Variants in NFATC2 observed in about 807,000 individuals in gnomAD.
The protein encoded by NFATC2 is nuclear factor of activated T-cells, cytoplasmic 2.
In NFATC2, 22 loss-of-function variants were observed where a neutral mutation model predicts 87.3. That is an observed-to-expected ratio of 0.25 (90% CI 0.18 to 0.36). NFATC2 has a LOEUF of 0.36. NFATC2 is among the 10% of genes least tolerant of loss of function. NFATC2 has a pLI of 1.00. For missense variants in NFATC2, 1,149 were observed against 1,259.1 expected, an observed-to-expected ratio of 0.91 and a Z score of 1.32; for synonymous variants, 565 against 542.2, an observed-to-expected ratio of 1.04 and a Z score of -0.58.
intron 2 of NFATC2, among the ~76,000 whole-genome samples, chr20:51,521,902 T>G (rs1479710811): frequency 4.6e-5 from 7 of 152,146 alleles, no homozygotes; most frequent in Non-Finnish European, 7.4e-5. Context: ...TTCTGTGTCC[T>G]CAGATTGAAA....
intron 3 of NFATC2, among the ~76,000 whole-genome samples, chr20:51,499,033 G>GGAGT (rs1313291876): frequency 6.6e-6 from 1 of 152,104 alleles, no homozygotes; most frequent in Non-Finnish European, 1.5e-5. Context: ...ATGGAGTGAG[G>GGAGT]GAGTGAGTGA....
At chr20:51,549,384 T>C (rs1038379824) in intron 1 of NFATC2, among the ~76,000 whole-genome samples, 20 of 152,244 alleles carry the variant, frequency 1.3e-4, no homozygotes, top group Non-Finnish European at 2.8e-4. Context: ...GCGATTCTCC[T>C]GCCTCAGCCT....
intron 3 of NFATC2, among the ~76,000 whole-genome samples, chr20:51,509,413 T>C (rs1450603458): frequency 6.6e-6 from 1 of 152,194 alleles, no homozygotes; most frequent in Non-Finnish European, 1.5e-5. Context: ...GCTTGGTAAG[T>C]ATTTTTAATA....
chr20:51,436,360 A>AT (rs1399560904), intron 6 of NFATC2, among the ~76,000 whole-genome samples: 1 of 150,224 alleles, frequency 6.7e-6, no homozygotes, highest in African/African-American at 2.4e-5. Context: ...TCCTCCCATC[A>AT]TTTTTTCCCT....
chr20:51,538,216 TAAGAA>T (rs1211529808), intron 1 of NFATC2, among the ~76,000 whole-genome samples: 3 of 152,180 alleles, frequency 2.0e-5, no homozygotes, highest in African/African-American at 7.2e-5. Context: ...ACAACCACCT[TAAGAA>T]AATAATACAC....
chr20:51,418,211 T>C (rs36000730), intron 9 of NFATC2, among the ~76,000 whole-genome samples: 21,783 of 152,192 alleles, frequency 0.14, 2,032 homozygotes, highest in African/African-American at 0.24. Flanking sequence ...GAGTGGACAC[T>C]CCTTCCCCGA....
Position 51,393,528 on chromosome 20 carries a change from C to T in NFATC2, c.*45-2077G>A, listed in dbSNP as rs548828191. Reference sequence around the variant, plus strand: ...CAAATTCATATATTTAGCTAACCAGCACTAGTTGGGCATCTACTGTGTACT... The same window carrying T: ...CAAATTCATATATTTAGCTAACCAGTACTAGTTGGGCATCTACTGTGTACT... On this transcript the variant is annotated intron_variant, in intron 10 of 10. Coordinates refer to ENST00000371564, the MANE Select transcript of NFATC2 (RefSeq NM_012340.5). Among the ~76,000 whole-genome samples the T allele has an allele frequency of 6.6e-5, 10 of 152,256 alleles. No individual in the cohort carries two copies. The South Asian group carries it at 2.1e-3, about 32-fold the overall frequency.
At chr20:51,406,334 G>A (rs74482361) in intron 9 of NFATC2, among the ~76,000 whole-genome samples, 1,532 of 152,144 alleles carry the variant, frequency 0.01, 29 homozygotes, top group African/African-American at 0.035. Flanking sequence ...TTTTATCAGG[G>A]TTGGGCAGTA....
At chr20:51,455,635 G>A (rs1314453424) in intron 5 of NFATC2, among the ~76,000 whole-genome samples, 2 of 136,902 alleles carry the variant, frequency 1.5e-5, no homozygotes, top group Non-Finnish European at 3.1e-5. Flanking sequence ...CCAGGAAGGA[G>A]GGGCTTCGCT....
At chr20:51,424,802 G>A (rs1981516337) in intron 9 of NFATC2, among the ~76,000 whole-genome samples, 2 of 151,772 alleles carry the variant, frequency 1.3e-5, no homozygotes, top group South Asian at 2.1e-4. Flanking sequence ...TTGTAGAAAA[G>A]GGGAAAATAA....
chr20:51,547,118 G>A (rs943335272), upstream of NFATC2, among the ~76,000 whole-genome samples: 8 of 152,134 alleles, frequency 5.3e-5, no homozygotes, highest in African/African-American at 1.4e-4. Flanking sequence ...AATCATAGAC[G>A]AGTTTTTAGA....
chr20:51,552,752 G>A (rs1042784226), intron 1 of NFATC2, among the ~76,000 whole-genome samples: 3 of 152,140 alleles, frequency 2.0e-5, no homozygotes, highest in Non-Finnish European at 4.4e-5. Flanking sequence ...CCATCCTGCA[G>A]GCATATTATG....
At chr20:51,398,104 A>G (rs968911800) in intron 10 of NFATC2, among the ~76,000 whole-genome samples, 14 of 152,018 alleles carry the variant, frequency 9.2e-5, no homozygotes, top group Admixed American at 7.9e-4. Context: ...GAAACCAAGT[A>G]GCAGAATCCT....
At chr20:51,407,293 T>C (rs1978482060) in intron 9 of NFATC2, among the ~76,000 whole-genome samples, 1 of 152,230 alleles carries the variant, frequency 6.6e-6, no homozygotes, top group Admixed American at 6.5e-5. Flanking sequence ...CCTGCTTTTC[T>C]CTTCCAACAG....
At chr20:51,454,760 TG>T in intron 5 of NFATC2, 72 bp from the exon 6 acceptor site, 1 of 1,555,776 alleles carries the variant, frequency 6.4e-7, no homozygotes, top group African/African-American at 1.3e-5. Flanking sequence ...TCTGATTTCA[TG>T]GTACTGAGAT....
Position 51,432,443 on chromosome 20 carries a change from G to A in NFATC2, c.2346C>T (p.Arg782=), listed in dbSNP as rs778793157. The part of the protein sequence containing the change: ...AAPLSLADAH[R]SVLVHAGSQG... ...GGGAGCCGGCGTGCACCAGCACAGA[G>A]CGGTGAGCGTCCGCAAGGGACAGCG... is the stretch of plus-strand genomic sequence containing the variant. Residue 782 remains arginine, a synonymous_variant, in exon 9 of 11, where the codon CGC becomes CGT. Coordinates refer to ENST00000371564, the MANE Select transcript of NFATC2 (RefSeq NM_012340.5). This position sits in a 1 kb window ranked among gnomAD's most constrained non-coding sequence, Gnocchi z 4.6. 14 of 1,574,638 alleles carry A rather than the reference G, an allele frequency of 8.9e-6. No individual in the cohort carries two copies. The highest frequency in any genetic ancestry group is 1.2e-5 in the Non-Finnish European group (14 of 1,158,458).
At chr20:51,516,194 G>GA (rs1436729625) in intron 3 of NFATC2, among the ~76,000 whole-genome samples, 1 of 151,636 alleles carries the variant, frequency 6.6e-6, no homozygotes, top group Non-Finnish European at 1.5e-5. Context: ...TACTGATTAA[G>GA]AAAAAAACAA....
At chr20:51,541,720 G>T (rs137968849) in intron 1 of NFATC2, among the ~76,000 whole-genome samples, 1 of 152,244 alleles carries the variant, frequency 6.6e-6, no homozygotes, top group African/African-American at 2.4e-5. Context: ...TAAGTGATGG[G>T]TTCAGCAGCA....
chr20:51,482,717 T>A (rs961469425), intron 3 of NFATC2, among the ~76,000 whole-genome samples: 1 of 152,192 alleles, frequency 6.6e-6, no homozygotes, highest in Non-Finnish European at 1.5e-5. Flanking sequence ...AGACAATGAT[T>A]ATTTACTATA....
Sources: allele counts gnomAD v4.1 joint callset (sites outside exome capture counted in the v4.1 genomes callset), GRCh38; gene constraint gnomAD v4.1.1; non-coding constraint Gnocchi (gnomAD v3.1); transcripts MANE v1.5; gene names NCBI Gene and HGNC (gene_info 2026-07-23, HGNC 2026-07-21).